The following KMT2E variants were observed in gnomAD, a reference collection of about 807,000 sequenced individuals.
The protein encoded by KMT2E is histone reader KMT2E.
In KMT2E, 30 loss-of-function variants were observed where a neutral mutation model predicts 184.6. That is an observed-to-expected ratio of 0.16 (90% CI 0.12 to 0.22). The LOEUF is 0.22. KMT2E is among the 10% of genes least tolerant of loss of function. The pLI is 1.00. For missense variants in KMT2E, 2,023 were observed against 2,237.4 expected (o/e 0.90, Z 1.93); for synonymous variants, 815 against 776.5 (o/e 1.05, Z -0.82).
intron 1 of KMT2E, among the ~76,000 whole-genome samples, chr7:105,033,556 T>C (rs552064268): frequency 5.3e-5 from 8 of 152,316 alleles, no homozygotes; most frequent in African/African-American, 1.9e-4. Context: ...TGGAGTGCAG[T>C]TTCATGATCT....
chr7:105,031,953 G>A (rs951006412), intron 1 of KMT2E, among the ~76,000 whole-genome samples: 2 of 147,744 alleles, frequency 1.4e-5, no homozygotes, highest in Non-Finnish European at 3.0e-5. Flanking sequence ...CTGTAGTCCC[G>A]GCTACTTAGG....
chr7:105,066,442 C>G (rs1797029822), intron 5 of KMT2E, among the ~76,000 whole-genome samples: 1 of 152,084 alleles, frequency 6.6e-6, no homozygotes, highest in African/African-American at 2.4e-5. Flanking sequence ...GTGTGGCCGT[C>G]TCTACATTGT....
intron 1 of KMT2E, among the ~76,000 whole-genome samples, chr7:105,028,207 C>T (rs936191635): frequency 2.0e-5 from 3 of 149,190 alleles, no homozygotes; most frequent in African/African-American, 7.4e-5. Flanking sequence ...CTGGCTCTGT[C>T]GCCCAGGCTG....
At chr7:105,037,097 A>T (rs1442393408) in intron 1 of KMT2E, among the ~76,000 whole-genome samples, 1 of 152,136 alleles carries the variant, frequency 6.6e-6, no homozygotes, top group African/African-American at 2.4e-5. Flanking sequence ...TTCTTTAATT[A>T]TTTCCATTAG....
chr7:105,043,372 GACT>G (rs1367133733), intron 3 of KMT2E, among the ~76,000 whole-genome samples: 1 of 150,228 alleles, frequency 6.7e-6, no homozygotes, highest in Non-Finnish European at 1.5e-5. Flanking sequence ...AAGTAGCTGG[GACT>G]ACAGGCGCCC....
intron 3 of KMT2E, among the ~76,000 whole-genome samples, chr7:105,060,332 C>T (rs555875491): frequency 6.6e-6 from 1 of 152,190 alleles, no homozygotes; most frequent in East Asian, 1.9e-4. Flanking sequence ...CAACACCAGA[C>T]CACATAATAC....
intron 1 of KMT2E, among the ~76,000 whole-genome samples, chr7:105,023,477 C>T (rs949560319): frequency 7.0e-6 from 1 of 142,822 alleles, no homozygotes; most frequent in African/African-American, 2.6e-5. Context: ...TGGAGTGTCG[C>T]TCTGTCGCCC....
chr7:105,084,355 G>A (rs561468431), intron 13 of KMT2E, among the ~76,000 whole-genome samples: 63 of 152,240 alleles, frequency 4.1e-4, no homozygotes, highest in Admixed American at 1.2e-3. Flanking sequence ...GACCAGGTGC[G>A]GTGGCTCACA....
At chr7:105,087,208 T>TATATAATATATATTATATA (rs1271494407) in intron 13 of KMT2E, among the ~76,000 whole-genome samples, 1 of 146,566 alleles carries the variant, frequency 6.8e-6, no homozygotes, top group Non-Finnish European at 1.5e-5. Flanking sequence ...TATATATGCT[T>TATATAATATATATTATATA]ATATAATATA....
intron 1 of KMT2E, among the ~76,000 whole-genome samples, chr7:105,030,146 C>T (rs1562878532): frequency 6.6e-6 from 1 of 152,178 alleles, no homozygotes; most frequent in Admixed American, 6.5e-5. Flanking sequence ...GTAAGTAGTG[C>T]ATTCTTTAGG....
At chr7:105,020,100 T>A (rs1175540897) in intron 1 of KMT2E, among the ~76,000 whole-genome samples, 3 of 142,878 alleles carry the variant, frequency 2.1e-5, no homozygotes, top group Admixed American at 7.1e-5. Flanking sequence ...AGAGTGAGAC[T>A]CTGTCTCAAA....
chr7:105,108,714 T>A (rs1799018522), intron 22 of KMT2E: 1 of 505,812 alleles, frequency 2.0e-6, no homozygotes, highest in Non-Finnish European at 3.6e-6. Context: ...ATATACCTAT[T>A]TCATAGGGTT....
At chr7:105,040,525 A>C (rs141651003) in intron 2 of KMT2E, among the ~76,000 whole-genome samples, 108 of 152,338 alleles carry the variant, frequency 7.1e-4, no homozygotes, top group African/African-American at 2.5e-3. Context: ...TGAACAAAGA[A>C]GACTTATTTT....
At position 105,112,053 on chromosome 7, in the gene KMT2E, C is replaced by G. The variant is rs778626850; in HGVS notation, c.4297C>G (p.Pro1433Ala). Residue 1433 changes from proline (P) to alanine (A), a missense_variant, in exon 27 of 27, where the codon CCT becomes GCT. Pro to Ala is a conservative substitution (Grantham distance 27). Around this residue, in one of 8 missense-constraint regions of KMT2E, gnomAD observed 1,108 missense variants for 1,050.9 expected, o/e 1.05. Transcript: ENST00000311117. ...ATCTGAGCAACTTTCACAAAAGCTG[C>G]CTTCTGTGCCAACAAAGTTGCACTG... Reference protein sequence around the residue: ...NSSEQLSQKLPSVPTKLHCPP... With the variant: ...NSSEQLSQKLASVPTKLHCPP... The G allele has an allele frequency of 1.1e-5, 17 of 1,614,080 alleles. No individual in the cohort carries two copies. In the Admixed American group the frequency reaches 2.7e-4, roughly 25 times the overall value.
At chr7:105,063,642 GA>G (rs1341262505) in intron 5 of KMT2E, 62 bp downstream of exon 5, 1 of 1,143,732 alleles carries the variant, frequency 8.7e-7, no homozygotes, top group Non-Finnish European at 1.2e-6. Flanking sequence ...GGTAATGTTG[GA>G]AAAGATAACT....
intron 8 of KMT2E, 69 bp downstream of exon 8, chr7:105,074,884 G>T: frequency 4.4e-6 from 5 of 1,144,772 alleles, no homozygotes; most frequent in Non-Finnish European, 5.9e-6. Flanking sequence ...TATAGGAGAG[G>T]CAGGAGAGTG....
intron 1 of KMT2E, among the ~76,000 whole-genome samples, chr7:105,030,326 A>G (rs941979518): frequency 2.6e-5 from 4 of 152,212 alleles, no homozygotes; most frequent in African/African-American, 4.8e-5. Flanking sequence ...TCAAGGAAGC[A>G]TTGGTTCTTG....
At chr7:105,019,624 T>G (rs1794862340) in intron 1 of KMT2E, among the ~76,000 whole-genome samples, 2 of 152,196 alleles carry the variant, frequency 1.3e-5, no homozygotes, top group African/African-American at 4.8e-5. Flanking sequence ...TCAAAACTGT[T>G]TCAAATATGA....
chr7:105,041,642 A>G (rs1166174335), intron 3 of KMT2E, among the ~76,000 whole-genome samples: 2 of 151,722 alleles, frequency 1.3e-5, no homozygotes, highest in East Asian at 3.9e-4. Context: ...CTCGTGATCC[A>G]CTCTCCTCGG....
Sources: gnomAD v4.1 joint callset for allele counts (sites outside exome capture counted in the v4.1 genomes callset) on GRCh38, gnomAD v4.1.1 for gene constraint, gnomAD v4.1.1 regional missense constraint, MANE v1.5 for transcripts, NCBI Gene and HGNC (gene_info 2026-07-23, HGNC 2026-07-21) for gene names.